Variants in SGCZ observed in about 807,000 individuals in gnomAD.
The protein encoded by SGCZ is zeta-sarcoglycan.
A neutral mutation model predicts 41.3 loss-of-function variants in SGCZ; 40 were observed. The ratio of observed to expected loss-of-function variants is 0.97; its 90% confidence interval spans 0.75 to 1.26. The LOEUF (loss-of-function observed/expected upper bound fraction) is 1.26, where lower values mean the gene tolerates loss of function less well. Ranked by LOEUF, SGCZ falls within the 50% of genes most tolerant of loss-of-function variation. SGCZ has a pLI of 0.00. For missense variants in SGCZ, 552 were observed against 369.8 expected, an observed-to-expected ratio of 1.49 and a Z score of -4.04; for synonymous variants, 206 against 137.5, an observed-to-expected ratio of 1.50 and a Z score of -3.49.
At chr8:15,003,058 G>A (rs1802483714) in intron 1 of SGCZ, among the ~76,000 whole-genome samples, 2 of 152,030 alleles carry the variant, frequency 1.3e-5, no homozygotes, top group African/African-American at 2.4e-5. Context: ...GTGATTGTGA[G>A]GCCTCCCCAG....
chr8:15,187,765 G>C (rs752983053), intron 1 of SGCZ, among the ~76,000 whole-genome samples: 1 of 151,800 alleles, frequency 6.6e-6, no homozygotes, highest in African/African-American at 2.4e-5. Context: ...TAAGCTCTTC[G>C]TGAGTTTGAT....
chr8:15,095,192 G>T (rs573141748), intron 1 of SGCZ, among the ~76,000 whole-genome samples: 31 of 152,124 alleles, frequency 2.0e-4, no homozygotes, highest in African/African-American at 7.2e-4. Flanking sequence ...TCCATCTCCC[G>T]GGTTCAAGCG....
At chr8:15,112,397 C>T (rs1422823852) in intron 1 of SGCZ, among the ~76,000 whole-genome samples, 1 of 152,220 alleles carries the variant, frequency 6.6e-6, no homozygotes, top group Non-Finnish European at 1.5e-5. Context: ...GTTATCCATT[C>T]TCCTGCTTCA....
chr8:15,059,752 C>T (rs1023694466), intron 1 of SGCZ, among the ~76,000 whole-genome samples: 1 of 152,162 alleles, frequency 6.6e-6, no homozygotes, highest in African/African-American at 2.4e-5. Context: ...ACCTGGTAAA[C>T]CAGTTAGCAC....
At chr8:15,228,644 G>A (rs912263731) in intron 1 of SGCZ, among the ~76,000 whole-genome samples, 3 of 152,154 alleles carry the variant, frequency 2.0e-5, no homozygotes, top group Admixed American at 1.3e-4. Context: ...AAATACAGGT[G>A]ATGATTCACT....
chr8:15,219,406 G>T (rs1433364693), intron 1 of SGCZ, among the ~76,000 whole-genome samples: 1 of 152,136 alleles, frequency 6.6e-6, no homozygotes, highest in African/African-American at 2.4e-5. Context: ...TATATCAACT[G>T]CATCTTCTGC....
At chr8:14,595,423 A>ACAC (rs1554459966) in intron 1 of SGCZ, among the ~76,000 whole-genome samples, 1 of 151,712 alleles carries the variant, frequency 6.6e-6, no homozygotes, top group African/African-American at 2.4e-5. Flanking sequence ...ACACACACAC[A>ACAC]CACACACACA....
At chr8:14,586,595 A>C (rs778442612) in intron 1 of SGCZ, among the ~76,000 whole-genome samples, 5 of 152,194 alleles carry the variant, frequency 3.3e-5, no homozygotes, top group Admixed American at 6.5e-5. Flanking sequence ...TACTAAGAAA[A>C]ATAATAGTCA....
At chr8:14,306,281 T>G (rs1801351505) in intron 3 of SGCZ, among the ~76,000 whole-genome samples, 1 of 152,352 alleles carries the variant, frequency 6.6e-6, no homozygotes, top group East Asian at 1.9e-4. Context: ...ATAAAGTACT[T>G]AATCAAAAAT....
chr8:15,129,380 C>G (rs1409349192), intron 1 of SGCZ, among the ~76,000 whole-genome samples: 1 of 152,122 alleles, frequency 6.6e-6, no homozygotes, highest in East Asian at 1.9e-4. Context: ...ATTAGCCTTC[C>G]TATCCTCAAA....
chr8:14,265,926 A>T (rs34734828), intron 3 of SGCZ, among the ~76,000 whole-genome samples: 1 of 151,402 alleles, frequency 6.6e-6, no homozygotes, highest in Non-Finnish European at 1.5e-5. Flanking sequence ...TTGAAAACAC[A>T]CAGTCAGAAA....
At chr8:14,428,836 T>C (rs554987584) in intron 2 of SGCZ, among the ~76,000 whole-genome samples, 3 of 152,338 alleles carry the variant, frequency 2.0e-5, no homozygotes, top group South Asian at 2.1e-4. Context: ...TAGATATAAG[T>C]TCACATTAAG....
intron 5 of SGCZ, among the ~76,000 whole-genome samples, chr8:14,149,078 C>T (rs1803615868): frequency 6.6e-6 from 1 of 152,048 alleles, no homozygotes. Context: ...CAGCTAGTAT[C>T]ATAGTGAGTG....
intron 1 of SGCZ, among the ~76,000 whole-genome samples, chr8:15,014,760 G>C (rs1409299835): frequency 1.3e-5 from 2 of 152,202 alleles, no homozygotes; most frequent in East Asian, 1.9e-4. Flanking sequence ...TAAAAGGCTT[G>C]ATTCCTTCAG....
At chr8:14,973,408 G>GC (rs1392700002) in intron 1 of SGCZ, among the ~76,000 whole-genome samples, 1 of 152,054 alleles carries the variant, frequency 6.6e-6, no homozygotes, top group East Asian at 1.9e-4. Flanking sequence ...ACATAAGTGG[G>GC]CCCATGCTTT....
chr8:15,030,501 T>C (rs1328075576), intron 1 of SGCZ, among the ~76,000 whole-genome samples: 2 of 152,164 alleles, frequency 1.3e-5, no homozygotes, highest in African/African-American at 2.4e-5. Flanking sequence ...AAGCAGTAGT[T>C]ATCAGCTGTT....
intron 4 of SGCZ, among the ~76,000 whole-genome samples, chr8:14,231,602 A>C (rs1806574687): frequency 1.3e-5 from 2 of 151,886 alleles, no homozygotes; most frequent in Admixed American, 1.3e-4. Context: ...TGCTCTGTTC[A>C]TTTGTCTCCC....
chr8:14,294,268 GGAGA>G (rs892300052), intron 3 of SGCZ, among the ~76,000 whole-genome samples: 3 of 151,606 alleles, frequency 2.0e-5, no homozygotes, highest in Admixed American at 6.6e-5. Context: ...GCTTCATTTG[GGAGA>G]GAGAAAGGTA....
intron 1 of SGCZ, among the ~76,000 whole-genome samples, chr8:14,820,673 G>C (rs1802048763): frequency 6.6e-6 from 1 of 151,918 alleles, no homozygotes; most frequent in African/African-American, 2.4e-5. Context: ...AAAACTAGAA[G>C]TCAACAAGAA....
Sources: allele counts gnomAD v4.1 joint callset (sites outside exome capture counted in the v4.1 genomes callset), GRCh38; gene constraint gnomAD v4.1.1; transcripts MANE v1.5; gene names NCBI Gene and HGNC (gene_info 2026-07-23, HGNC 2026-07-21).